The following IL4R variants were observed in gnomAD, a reference collection of about 807,000 sequenced individuals.
IL4R encodes the protein interleukin 4 receptor, also known as interleukin-4 receptor subunit alpha.
In IL4R, 17 loss-of-function variants were observed where a neutral mutation model predicts 41.5. The ratio of observed to expected loss-of-function variants is 0.41; its 90% CI spans 0.28 to 0.61. The LOEUF is 0.61. Ranked by LOEUF, IL4R falls within the 20% of genes least tolerant of loss-of-function variation. The probability of loss-of-function intolerance (pLI) is 0.31; values close to 1 mark genes in which losing one functional copy is unlikely to be tolerated. For synonymous variants in IL4R, 402 were observed against 422.9 expected (o/e 0.95, Z 0.61); for missense variants, 974 against 1,043.1 (o/e 0.93, Z 0.91).
chr16:27,363,945 A>G lies in IL4R; in HGVS notation c.*115A>G. On this transcript the variant is annotated 3_prime_UTR_variant, in exon 11 of 11. Coordinates refer to ENST00000395762, the MANE Select transcript of IL4R (RefSeq NM_000418.4). ...GGCAGATTTCCAAAAGACTTGAAGA[A>G]CCATGGTATGAAGGTGATTGGCCCC... is the stretch of plus-strand genomic sequence containing the variant. 1 of 1,264,846 alleles carries G rather than the reference A, an allele frequency of 7.9e-7. No individual in the cohort carries two copies. The highest frequency in any genetic ancestry group is 1.1e-6 in the Non-Finnish European group (1 of 916,046). The allele number at this position is 1,264,846 out of a possible 1,614,324, so 78.4% of individuals were successfully genotyped here.
chr16:27,347,987 A>ACTGGT (rs553668779), intron 6 of IL4R, among the ~76,000 whole-genome samples: 11 of 151,996 alleles, frequency 7.2e-5, no homozygotes, highest in Non-Finnish European at 1.3e-4. Context: ...TGTCCCACAC[A>ACTGGT]CTGGTCTGTC....
chr16:27,347,129 T>G (rs1175833099), intron 6 of IL4R, among the ~76,000 whole-genome samples: 1 of 152,180 alleles, frequency 6.6e-6, no homozygotes, highest in Non-Finnish European at 1.5e-5. Flanking sequence ...AAGATCAGTT[T>G]GTTGGTTGTT....
upstream of IL4R, chr16:27,313,971 C>T: frequency 1.0e-6 from 1 of 984,698 alleles, no homozygotes; most frequent in Non-Finnish European, 1.2e-6. Flanking sequence ...CCAGGGGTCC[C>T]CCACTTCCCG....
intron 1 of IL4R, among the ~76,000 whole-genome samples, chr16:27,318,302 G>A (rs1024875080): frequency 6.6e-6 from 1 of 152,046 alleles, no homozygotes; most frequent in Non-Finnish European, 1.5e-5. Flanking sequence ...CCTGAATTCT[G>A]AACTATGTCT....
At chr16:27,356,802 G>A (rs373030062) in intron 8 of IL4R, among the ~76,000 whole-genome samples, 192 of 152,294 alleles carry the variant, frequency 1.3e-3, no homozygotes, top group African/African-American at 4.5e-3. Context: ...TGAAACCCCT[G>A]AGCCTGGGGT....
intron 2 of IL4R, 148 bp from the exon 3 acceptor site, chr16:27,340,038 C>T (rs1253610874): frequency 1.2e-5 from 7 of 582,778 alleles, no homozygotes; most frequent in Admixed American, 8.5e-5. Context: ...GCCTTGGAGA[C>T]AGAGCGAGAC....
intron 1 of IL4R, among the ~76,000 whole-genome samples, chr16:27,314,543 G>A (rs940957419): frequency 6.6e-6 from 1 of 152,238 alleles, no homozygotes; most frequent in Non-Finnish European, 1.5e-5. Context: ...AGGATGCCAA[G>A]TGAAACCTCC....
rs1567321601 is a variant in IL4R at position 27,344,805 on chromosome 16, G to A, written c.210-64G>A. 6 of 1,541,170 alleles carry A rather than the reference G, an allele frequency of 3.9e-6. No individual in the cohort carries two copies. In the Middle Eastern group the frequency reaches 5.9e-4, roughly 151 times the overall value. Reference sequence around the variant, plus strand: ...ATGCGGTTCCTGGAGGCATGTCCCGGACACAGCTGTGGGGCCCAGCCAGCC... The same window carrying A: ...ATGCGGTTCCTGGAGGCATGTCCCGAACACAGCTGTGGGGCCCAGCCAGCC... On this transcript the variant is annotated intron_variant, in intron 4 of 10. Coordinates refer to ENST00000395762, the MANE Select transcript of IL4R (RefSeq NM_000418.4).
rs150628751 is a variant in IL4R, at chr16:27,346,513, C to T, written c.408C>T (p.Ser136=). 46 of 1,614,014 alleles carry T rather than the reference C, an allele frequency of 2.9e-5. No individual in the cohort carries two copies. The highest frequency in any genetic ancestry group is 6.7e-5 in the East Asian group (3 of 44,900). The change falls in exon 6 of 11, where the codon TCC becomes TCT. Residue 136 remains serine, a synonymous_variant. Transcript: ENST00000395762. ...PGNLTVHTNV[S]DTLLLTWSNP... is the part of the protein sequence containing the mutation. ...ACCTGACAGTTCACACCAATGTCTCCGACACTCTGCTGCTGACCTGGAGCA... is the reference window on the plus strand; with the variant it reads ...ACCTGACAGTTCACACCAATGTCTCTGACACTCTGCTGCTGACCTGGAGCA...
rs755315727 is a variant in IL4R at position 27,352,635 on chromosome 16, C to T, written c.609C>T (p.Ala203=). The T allele has an allele frequency of 7.4e-6, 12 of 1,614,084 alleles. No individual in the cohort carries two copies. Among genetic ancestry groups the T allele is most frequent in the Non-Finnish European group, 1.0e-5 (12 of 1,180,016 alleles). ...TTTCCTACAGGGCACGGGTGAGGGC[C>T]TGGGCTCAGTGCTATAACACCACCT... is the stretch of plus-strand genomic sequence containing the variant. The part of the protein sequence containing the change: ...SGISYRARVR[A]WAQCYNTTWS... The change falls in exon 7 of 11, where the codon GCC becomes GCT. Residue 203 remains alanine, a synonymous_variant. Transcript: ENST00000395762.
At chr16:27,332,639 A>C (rs1309676448) in intron 2 of IL4R, among the ~76,000 whole-genome samples, 1 of 151,684 alleles carries the variant, frequency 6.6e-6, no homozygotes, top group Admixed American at 6.6e-5. Context: ...GATTTCATTG[A>C]TTTTCCTCGA....
At chr16:27,360,706 G>A (rs898473541) in intron 9 of IL4R, 60 bp from the exon 10 acceptor site, 80 of 1,609,496 alleles carry the variant, frequency 5.0e-5, no homozygotes, top group East Asian at 2.2e-4. Flanking sequence ...GAGCATTGCC[G>A]TACTCCAGGC....
intron 8 of IL4R, among the ~76,000 whole-genome samples, chr16:27,356,454 A>G (rs2086083691): frequency 6.6e-6 from 1 of 152,064 alleles, no homozygotes; most frequent in Admixed American, 6.6e-5. Flanking sequence ...TCAATCACAA[A>G]CAGGTGGTTT....
intron 6 of IL4R, among the ~76,000 whole-genome samples, chr16:27,349,227 GTTC>G (rs1437286231): frequency 6.6e-6 from 1 of 152,204 alleles, no homozygotes; most frequent in Non-Finnish European, 1.5e-5. Context: ...AGGCAGTGGA[GTTC>G]TGTCCTAAGC....
chr16:27,351,342 C>T (rs889573833), intron 6 of IL4R, among the ~76,000 whole-genome samples: 9 of 151,986 alleles, frequency 5.9e-5, no homozygotes, highest in Non-Finnish European at 1.3e-4. Context: ...TCCATGAAAT[C>T]CTCTATATAT....
chr16:27,340,606 C>T (rs2085410017), intron 3 of IL4R, among the ~76,000 whole-genome samples: 1 of 152,054 alleles, frequency 6.6e-6, no homozygotes, highest in Non-Finnish European at 1.5e-5. Flanking sequence ...CCTGTAGCCC[C>T]AGCTACTCAG....
chr16:27,328,982 C>T lies in IL4R; in HGVS notation c.-151-1084C>T, dbSNP rs140866137. Among the ~76,000 whole-genome samples the T allele has an allele frequency of 7.4e-3, 1,132 of 152,248 alleles. 13 individuals are homozygous for T. The highest frequency in any genetic ancestry group is 0.024 in the Middle Eastern group (7 of 292). On this transcript the variant is annotated intron_variant, in intron 1 of 10. Transcript: ENST00000395762. ...TGATATAGTTGGGATGTCATCCTCT[C>T]TAAATCTCTTGTTGAAATGTGATCC...
chr16:27,349,996 CT>C (rs1447092578), intron 6 of IL4R, among the ~76,000 whole-genome samples: 1 of 152,194 alleles, frequency 6.6e-6, no homozygotes, highest in African/African-American at 2.4e-5. Context: ...AGTGATCCCC[CT>C]GGCTCAGCCT....
Position 27,362,589 on chromosome 16 carries a change from G to A in IL4R, c.1237G>A (p.Asp413Asn). Reference protein sequence around the residue: ...VARLTESLFLDLLGEENGGFC... With the variant: ...VARLTESLFLNLLGEENGGFC... ...CCGGCTAACAGAGAGCCTGTTCCTG[G>A]ACCTGCTCGGAGAGGAGAATGGGGG... Residue 413 changes from aspartate (D) to asparagine (N), a missense_variant, in exon 11 of 11, where the codon GAC becomes AAC. Physicochemically the swap from Asp to Asn is conservative, Grantham distance 23. Around this residue, in one of 3 missense-constraint regions of IL4R, gnomAD observed 682 missense variants for 704.3 expected, o/e 0.97. Coordinates refer to ENST00000395762, the MANE Select transcript of IL4R (RefSeq NM_000418.4). 1 of 1,614,184 alleles carries A rather than the reference G, an allele frequency of 6.2e-7. No individual in the cohort carries two copies. The highest frequency in any genetic ancestry group is 1.3e-5 in the African/African-American group (1 of 75,028).
Sources: gnomAD v4.1 joint callset for allele counts (sites outside exome capture counted in the v4.1 genomes callset) on GRCh38, gnomAD v4.1.1 for gene constraint, gnomAD v4.1.1 regional missense constraint, MANE v1.5 for transcripts, NCBI Gene and HGNC (gene_info 2026-07-23, HGNC 2026-07-21) for gene names.